The following SLC9A2 variants were observed in gnomAD, a reference collection of about 807,000 sequenced individuals.
SLC9A2 encodes the protein solute carrier family 9 member A2.
Under a neutral mutation model 71.7 loss-of-function variants are expected in SLC9A2, and 42 were observed. The ratio of observed to expected loss-of-function variants is 0.59; its 90% CI spans 0.46 to 0.76. SLC9A2 has a LOEUF of 0.76. Ranked by LOEUF, SLC9A2 falls within the 30% of genes least tolerant of loss-of-function variation. SLC9A2 has a pLI of 0.00. For synonymous variants in SLC9A2, 396 were observed against 392.5 expected, an observed-to-expected ratio of 1.01 and a Z score of -0.10; for missense variants, 829 against 1,017.4, an observed-to-expected ratio of 0.81 and a Z score of 2.52.
At position 102,704,690 on chromosome 2, in the gene SLC9A2, G is replaced by C; in HGVS notation, c.1977+15G>C. ...GAGAACACAGGGTAACTGAGTGTGCGCCTCTAGGAGACTTCCAGGGGTGGA... is the reference window on the plus strand; with the variant it reads ...GAGAACACAGGGTAACTGAGTGTGCCCCTCTAGGAGACTTCCAGGGGTGGA... On this transcript the variant is annotated intron_variant, in intron 10 of 11. Coordinates refer to ENST00000233969, the MANE Select transcript of SLC9A2 (RefSeq NM_003048.6). 6.2e-7 allele frequency: 1 copy of C among 1,605,876 alleles called. No individual in the cohort carries two copies. Among genetic ancestry groups the C allele is most frequent in the Admixed American group, 1.7e-5 (1 of 59,686 alleles).
In SLC9A2 at chr2:102,678,217, G is replaced by A. The variant is rs1475895109; in HGVS notation, c.1005-5044G>A. On this transcript the variant is annotated intron_variant, in intron 3 of 11. Transcript: ENST00000233969. ...TGAAGGCAGAAATTGGGTCTTACTT[G>A]CTTTCATCTTCCTAGATCCCAGCAC... 2.6e-5 allele frequency among the ~76,000 whole-genome samples: 4 copies of A among 152,112 alleles called. No homozygotes were observed. The East Asian group carries it at 7.7e-4, about 29-fold the overall frequency.
intron 3 of SLC9A2, among the ~76,000 whole-genome samples, chr2:102,680,030 A>ATGAACT (rs1677420355): frequency 6.6e-6 from 1 of 152,180 alleles, no homozygotes; most frequent in African/African-American, 2.4e-5. Context: ...ATGTCTTTCC[A>ATGAACT]TATTTGTCTA....
rs1252237031 is a variant in SLC9A2, at chr2:102,710,703, C to T, written c.*2214C>T. 1 of 152,122 alleles carries T rather than the reference C, an allele frequency of 6.6e-6. No individual in the cohort carries two copies. Among genetic ancestry groups the T allele is most frequent in the African/African-American group, 2.4e-5 (1 of 41,392 alleles). The allele number at this position is 152,122 out of a possible 1,614,324, so 9.4% of individuals were successfully genotyped here. A position where few individuals can be genotyped will look rare whatever the true frequency, so the allele number is the denominator to read the frequency against. ...TTCCTCTTTTTGTAATTCTTAAATTCTAGTCACTAGTCATTATGAGAGTAT... is the reference window on the plus strand; with the variant it reads ...TTCCTCTTTTTGTAATTCTTAAATTTTAGTCACTAGTCATTATGAGAGTAT... On this transcript the variant is annotated 3_prime_UTR_variant, in exon 12 of 12. Coordinates refer to ENST00000233969, the MANE Select transcript of SLC9A2 (RefSeq NM_003048.6).
At chr2:102,642,837 C>G (rs960671842) in intron 1 of SLC9A2, among the ~76,000 whole-genome samples, 3 of 152,048 alleles carry the variant, frequency 2.0e-5, no homozygotes, top group African/African-American at 7.2e-5. Flanking sequence ...ACTGTTTTTG[C>G]TAGTTGTAGG....
intron 1 of SLC9A2, among the ~76,000 whole-genome samples, chr2:102,656,144 G>A (rs1172118393): frequency 1.3e-5 from 2 of 152,218 alleles, no homozygotes; most frequent in Non-Finnish European, 2.9e-5. Flanking sequence ...TTGCAAATAA[G>A]TGCGCTCCAA....
chr2:102,638,476 C>T (rs1676512631), intron 1 of SLC9A2, among the ~76,000 whole-genome samples: 2 of 152,194 alleles, frequency 1.3e-5, no homozygotes, highest in Non-Finnish European at 2.9e-5. Context: ...GAATAAGAAG[C>T]ACAAGCCAAA....
At chr2:102,631,778 T>C (rs1419049653) in intron 1 of SLC9A2, among the ~76,000 whole-genome samples, 1 of 151,702 alleles carries the variant, frequency 6.6e-6, no homozygotes, top group Admixed American at 6.6e-5. Flanking sequence ...GGGGTGTGAC[T>C]GTACTGCTTC....
At chr2:102,691,085 G>A (rs775088328) in intron 5 of SLC9A2, among the ~76,000 whole-genome samples, 4 of 152,104 alleles carry the variant, frequency 2.6e-5, no homozygotes, top group Non-Finnish European at 5.9e-5. Context: ...GATGCCAGGT[G>A]GGAGGAAAGC....
chr2:102,695,589 C>T (rs1373964352), intron 7 of SLC9A2, among the ~76,000 whole-genome samples: 1 of 151,574 alleles, frequency 6.6e-6, no homozygotes, highest in Non-Finnish European at 1.5e-5. Context: ...TTGGCTTGGA[C>T]TCAGTCCTAT....
chr2:102,652,611 G>A lies in SLC9A2; in HGVS notation c.290-4953G>A, dbSNP rs150609408. On this transcript the variant is annotated intron_variant, in intron 1 of 11. Transcript: ENST00000233969. ...TAGCATTTATCACTTTCCATCTTGC[G>A]TTATAATGATTTGTGCCCTTGTCTT... Among the ~76,000 whole-genome samples the A allele has an allele frequency of 8.5e-4, 129 of 152,196 alleles. 2 individuals are homozygous for A. The highest frequency in any genetic ancestry group is 2.8e-3 in the African/African-American group (115 of 41,532).
Position 102,648,341 on chromosome 2 carries a change from T to C in SLC9A2, c.290-9223T>C, listed in dbSNP as rs185296923. Among the ~76,000 whole-genome samples the C allele has an allele frequency of 1.1e-4, 17 of 152,220 alleles. No homozygotes were observed. The East Asian group carries it at 2.5e-3, about 22-fold the overall frequency. On this transcript the variant is annotated intron_variant, in intron 1 of 11. Coordinates refer to ENST00000233969, the MANE Select transcript of SLC9A2 (RefSeq NM_003048.6). ...TAAACGAGGTATTGATGGAACATAT[T>C]TCAAAATAATAAGAGCTATTTATGA...
In SLC9A2 at chr2:102,710,771, T is replaced by A. The variant is rs564094611; in HGVS notation, c.*2282T>A. On this transcript the variant is annotated 3_prime_UTR_variant, in exon 12 of 12. Coordinates refer to ENST00000233969, the MANE Select transcript of SLC9A2 (RefSeq NM_003048.6). Reference sequence around the variant, plus strand: ...AATCTAAATATTGTCACAATCTAAATTTCTGTAGTAGAGAGAGCCGTAGCC... The same window carrying A: ...AATCTAAATATTGTCACAATCTAAAATTCTGTAGTAGAGAGAGCCGTAGCC... The A allele has an allele frequency of 6.6e-6, 1 of 152,422 alleles. No individual in the cohort carries two copies. Among genetic ancestry groups the A allele is most frequent in the Admixed American group, 6.5e-5 (1 of 15,300 alleles). 9.4% of individuals were successfully genotyped at this position (152,422 alleles called of 1,614,324 possible). A position where few individuals can be genotyped will look rare whatever the true frequency, so the allele number is the denominator to read the frequency against.
Position 102,678,586 on chromosome 2 carries a change from C to A in SLC9A2, c.1005-4675C>A, listed in dbSNP as rs1258775031. On this transcript the variant is annotated intron_variant, in intron 3 of 11. Transcript: ENST00000233969. ...AGGCTGTGGACTCCGGTCATGAAAT[C>A]CTCATGTGTTCATGTGATGGAGGAA... Among the ~76,000 whole-genome samples the A allele has an allele frequency of 2.0e-5, 3 of 152,264 alleles. No homozygotes were observed. In the East Asian group the frequency reaches 5.8e-4, roughly 30 times the overall value.
chr2:102,696,001 G>T (rs1288174091), intron 7 of SLC9A2, among the ~76,000 whole-genome samples: 1 of 151,588 alleles, frequency 6.6e-6, no homozygotes, highest in Non-Finnish European at 1.5e-5. Flanking sequence ...AGAATTAGAT[G>T]TATGCTTTAA....
At chr2:102,697,928 C>T (rs1677798049) in intron 7 of SLC9A2, among the ~76,000 whole-genome samples, 1 of 151,882 alleles carries the variant, frequency 6.6e-6, no homozygotes, top group Non-Finnish European at 1.5e-5. Context: ...AGGGACCCTT[C>T]TCACTCTTGG....
chr2:102,648,599 C>A (rs1676772223), intron 1 of SLC9A2, among the ~76,000 whole-genome samples: 1 of 152,090 alleles, frequency 6.6e-6, no homozygotes, highest in Non-Finnish European at 1.5e-5. Flanking sequence ...AAATCCCCAT[C>A]CCCTCAACCC....
chr2:102,705,951 TG>T lies in SLC9A2; in HGVS notation c.2068+17del. On this transcript the variant is annotated intron_variant, in intron 11 of 11. Transcript: ENST00000233969. ...TTCTATTGCAGGTAGTGAATATAGTTGGAGCAGAAAAATTTTAAATTTATTT... is the reference window on the plus strand; with the variant it reads ...TTCTATTGCAGGTAGTGAATATAGTTGAGCAGAAAAATTTTAAATTTATTT... 2.0e-6 allele frequency: 3 copies of T among 1,481,342 alleles called. No homozygotes were observed. The highest frequency in any genetic ancestry group is 9.2e-7 in the Non-Finnish European group (1 of 1,085,744). 91.8% of individuals were successfully genotyped at this position (1,481,342 alleles called of 1,614,324 possible).
chr2:102,632,061 CACACACATATATAT>C (rs1676371783), intron 1 of SLC9A2, among the ~76,000 whole-genome samples: 3 of 69,094 alleles, frequency 4.3e-5, no homozygotes, highest in South Asian at 4.5e-4. Context: ...CATATATATA[CACACACATATATAT>C]ACACACATAT....
Position 102,708,535 on chromosome 2 carries a change from T to C in SLC9A2, c.*46T>C. 1 of 1,571,836 alleles carries C rather than the reference T, an allele frequency of 6.4e-7. No homozygotes were observed. Among genetic ancestry groups the C allele is most frequent in the Non-Finnish European group, 8.6e-7 (1 of 1,159,424 alleles). ...CTGAGTGTCTGACCCAGGACAGCTG[T>C]GGTTTGTCACTCTGAAACCTGATGC... On this transcript the variant is annotated 3_prime_UTR_variant, in exon 12 of 12. Transcript: ENST00000233969.
Sources: gnomAD v4.1 joint callset for allele counts (sites outside exome capture counted in the v4.1 genomes callset) on GRCh38, gnomAD v4.1.1 for gene constraint, MANE v1.5 for transcripts, NCBI Gene and HGNC (gene_info 2026-07-23, HGNC 2026-07-21) for gene names.